Variants in MYO3A observed in about 807,000 individuals in gnomAD.
MYO3A encodes the protein myosin-IIIa.
In MYO3A, 180 loss-of-function variants were observed where a neutral mutation model predicts 192.7. That is an observed-to-expected ratio of 0.93 (90% CI 0.83 to 1.06). MYO3A has a LOEUF of 1.06. Ranked by LOEUF, MYO3A falls within the 50% of genes least tolerant of loss-of-function variation. MYO3A has a pLI of 0.00. For missense variants in MYO3A, 1,896 were observed against 1,905.0 expected (o/e 1.00, Z 0.09); for synonymous variants, 628 against 645.3 (o/e 0.97, Z 0.41).
At chr10:26,004,500 A>G (rs541244208) in intron 6 of MYO3A, among the ~76,000 whole-genome samples, 206 of 152,086 alleles carry the variant, frequency 1.4e-3, no homozygotes, top group African/African-American at 4.7e-3. Context: ...GTGTGTGTAC[A>G]TATTACCTAG....
At chr10:26,165,951 G>A (rs969714761) in intron 26 of MYO3A, 116 bp from the exon 27 acceptor site, 13 of 872,178 alleles carry the variant, frequency 1.5e-5, no homozygotes, top group East Asian at 9.6e-5. Flanking sequence ...GGATTTCTCC[G>A]CATCAAGTCT....
chr10:26,102,272 A>T (rs1047404967), intron 17 of MYO3A, among the ~76,000 whole-genome samples: 3 of 152,048 alleles, frequency 2.0e-5, no homozygotes, highest in African/African-American at 7.2e-5. Context: ...TCTTCTCTAC[A>T]CTGTTTATTC....
rs141800625 is a variant in MYO3A, at chr10:26,166,599, T to A, written c.3111+421T>A. On this transcript the variant is annotated intron_variant, in intron 27 of 34. Transcript: ENST00000642920. Reference sequence around the variant, plus strand: ...TGCAAGAAAAATTTATCTTGAAGATTTATCAAAAAAGGATAAACCATAATG... The same window carrying A: ...TGCAAGAAAAATTTATCTTGAAGATATATCAAAAAAGGATAAACCATAATG... Among the ~76,000 whole-genome samples, 616 of 152,338 alleles carry A rather than the reference T, an allele frequency of 4.0e-3. 6 individuals carry two copies. The highest frequency in any genetic ancestry group is 0.014 in the African/African-American group (581 of 41,570).
At chr10:26,048,216 A>G (rs148949072) in intron 10 of MYO3A, among the ~76,000 whole-genome samples, 1,734 of 152,260 alleles carry the variant, frequency 0.011, 36 homozygotes, top group African/African-American at 0.037. Context: ...CTGGCTGTTC[A>G]GTTGCCCTAA....
chr10:25,972,788 C>A (rs994007054), intron 4 of MYO3A, among the ~76,000 whole-genome samples: 115 of 152,248 alleles, frequency 7.6e-4, no homozygotes, highest in Non-Finnish European at 1.5e-4. Context: ...ATTAATCTGT[C>A]TGCCTCTGTT....
At chr10:25,997,292 C>A in intron 6 of MYO3A, 34 bp downstream of exon 6, 1 of 1,375,936 alleles carries the variant, frequency 7.3e-7, no homozygotes, top group Non-Finnish European at 1.0e-6. Flanking sequence ...AGTTTTAACT[C>A]CATAATGAAC....
intron 7 of MYO3A, 68 bp downstream of exon 7, chr10:26,016,964 C>A: frequency 7.1e-7 from 1 of 1,405,008 alleles, no homozygotes; most frequent in Non-Finnish European, 1.0e-6. Flanking sequence ...TTTATGTGTA[C>A]TCTATCTCTG....
At chr10:25,971,173 T>A (rs184548699) in intron 4 of MYO3A, among the ~76,000 whole-genome samples, 27 of 152,242 alleles carry the variant, frequency 1.8e-4, no homozygotes, top group African/African-American at 6.5e-4. Flanking sequence ...TTATCTGTCT[T>A]ATTTAATGTT....
intron 33 of MYO3A, among the ~76,000 whole-genome samples, chr10:26,201,940 A>G (rs1278491054): frequency 6.6e-6 from 1 of 152,130 alleles, no homozygotes; most frequent in African/African-American, 2.4e-5. Flanking sequence ...ACCTGTATTC[A>G]TGAATTTCCT....
intron 31 of MYO3A, among the ~76,000 whole-genome samples, chr10:26,187,836 G>T (rs1201663): frequency 0.016 from 2,383 of 151,906 alleles, 42 homozygotes; most frequent in Non-Finnish European, 0.023. Context: ...ATTTTTTGTG[G>T]CTGCATAGTA....
At chr10:26,169,953 G>C (rs1489437077) in intron 28 of MYO3A, among the ~76,000 whole-genome samples, 2 of 152,066 alleles carry the variant, frequency 1.3e-5, no homozygotes, top group African/African-American at 4.8e-5. Context: ...ATTGATTATT[G>C]GGCGCTGCCC....
At chr10:26,207,641 C>G (rs1844034063) in intron 34 of MYO3A, among the ~76,000 whole-genome samples, 1 of 152,130 alleles carries the variant, frequency 6.6e-6, no homozygotes, top group African/African-American at 2.4e-5. Context: ...TGCATCTGTT[C>G]TTATGCCAGT....
chr10:26,170,429 C>T lies in MYO3A; in HGVS notation c.3288C>T (p.His1096=). 6.2e-7 allele frequency: 1 copy of T among 1,613,420 alleles called. No homozygotes were observed. The highest frequency in any genetic ancestry group is 8.5e-7 in the Non-Finnish European group (1 of 1,179,632). The change falls in exon 29 of 35, where the codon CAC becomes CAT. Residue 1096 remains histidine (H), a synonymous_variant. Coordinates refer to ENST00000642920, the MANE Select transcript of MYO3A (RefSeq NM_017433.5). ...TCTGTGTTTCAGCTGCAAGAGGACACCTTGTCAGGAAACAAAGAAAAGAAA... is the reference window on the plus strand; with the variant it reads ...TCTGTGTTTCAGCTGCAAGAGGACATCTTGTCAGGAAACAAAGAAAAGAAA... ...AIIIQSAARG[H]LVRKQRKEIV... is the part of the protein sequence containing the mutation.
At chr10:26,010,549 C>T (rs574093739) in intron 6 of MYO3A, among the ~76,000 whole-genome samples, 72 of 151,294 alleles carry the variant, frequency 4.8e-4, no homozygotes, top group African/African-American at 1.6e-3. Context: ...CTGCAACCTC[C>T]GCCTCCTGGA....
At chr10:25,977,489 A>G (rs182129650) in intron 4 of MYO3A, among the ~76,000 whole-genome samples, 4 of 152,320 alleles carry the variant, frequency 2.6e-5, no homozygotes, top group Admixed American at 2.6e-4. Flanking sequence ...AGATACAGCC[A>G]TAGTCAAGCA....
chr10:26,108,509 G>A (rs944812177), intron 17 of MYO3A, among the ~76,000 whole-genome samples: 1 of 152,178 alleles, frequency 6.6e-6, no homozygotes, highest in African/African-American at 2.4e-5. Flanking sequence ...TATTCAAATT[G>A]TATGCTATGA....
intron 18 of MYO3A, among the ~76,000 whole-genome samples, chr10:26,124,256 C>G (rs1306387491): frequency 1.3e-5 from 2 of 149,708 alleles, no homozygotes; most frequent in Non-Finnish European, 3.0e-5. Flanking sequence ...ATTTAGGCAA[C>G]CTATGCTAAG....
At chr10:26,125,273 AC>A (rs1454001424) in intron 18 of MYO3A, 124 bp from the exon 19 acceptor site, 1 of 877,958 alleles carries the variant, frequency 1.1e-6, no homozygotes, top group East Asian at 2.6e-5. Flanking sequence ...TCATATTTTT[AC>A]ATTACATAAT....
chr10:25,967,418 C>G (rs1419900961), intron 4 of MYO3A, among the ~76,000 whole-genome samples: 1 of 152,090 alleles, frequency 6.6e-6, no homozygotes, highest in Non-Finnish European at 1.5e-5. Flanking sequence ...ACTAAACTAG[C>G]CCTAGAATAA....
Sources: gnomAD v4.1 joint callset for allele counts (sites outside exome capture counted in the v4.1 genomes callset) on GRCh38, gnomAD v4.1.1 for gene constraint, MANE v1.5 for transcripts, NCBI Gene and HGNC (gene_info 2026-07-23, HGNC 2026-07-21) for gene names.